Variants in PCDH15 observed in about 807,000 individuals in gnomAD.
PCDH15 encodes protocadherin related 15.
A neutral mutation model predicts 178.5 loss-of-function variants in PCDH15; 129 were observed. The ratio of observed to expected loss-of-function variants is 0.72; its 90% CI spans 0.63 to 0.84. The LOEUF (loss-of-function observed/expected upper bound fraction) is 0.84, where lower values mean the gene tolerates loss of function less well. Among genes scored for constraint, PCDH15 ranks in the 40% least tolerant of loss-of-function variants. The pLI, the probability that PCDH15 is intolerant of heterozygous loss-of-function variation, is 0.00. For missense variants in PCDH15, 2,230 were observed against 2,099.9 expected (o/e 1.06, Z -1.21); for synonymous variants, 800 against 732.0 (o/e 1.09, Z -1.50).
chr10:54,163,060 T>C (rs1564570716), intron 13 of PCDH15, among the ~76,000 whole-genome samples: 1 of 152,130 alleles, frequency 6.6e-6, no homozygotes, highest in African/African-American at 2.4e-5. Context: ...GATTTGTTCC[T>C]AGAAATTCTC....
chr10:54,316,293 G>A (rs1428870279), intron 8 of PCDH15, among the ~76,000 whole-genome samples: 2 of 151,856 alleles, frequency 1.3e-5, no homozygotes, highest in Non-Finnish European at 2.9e-5. Context: ...AAGCACTCTG[G>A]CTTTACATTT....
chr10:54,451,060 T>C (rs899229023), intron 3 of PCDH15, among the ~76,000 whole-genome samples: 1 of 151,880 alleles, frequency 6.6e-6, no homozygotes, highest in Admixed American at 6.6e-5. Flanking sequence ...TTCTCACATA[T>C]ACAAAAATAT....
rs566302491 is a variant in PCDH15 at position 53,836,426 on chromosome 10, G to A, written c.3983+3894C>T. ...CTAACACTGTGGGACAGATCAGAGT[G>A]TGGGCAGAAACCTCTTCTGTGGCAC... is the stretch of plus-strand genomic sequence containing the variant. On this transcript the variant is annotated intron_variant, in intron 29 of 37. Coordinates refer to ENST00000644397, the MANE Select transcript of PCDH15 (RefSeq NM_001384140.1). Among the ~76,000 whole-genome samples, 4 of 152,262 alleles carry A rather than the reference G, an allele frequency of 2.6e-5. No homozygotes were observed. In the East Asian group the frequency reaches 7.7e-4, roughly 29 times the overall value.
chr10:55,439,063 T>G (rs1042432511), intron 2 of PCDH15, among the ~76,000 whole-genome samples: 2 of 151,928 alleles, frequency 1.3e-5, no homozygotes, highest in African/African-American at 4.8e-5. Context: ...CACGCTTGGC[T>G]AATTTTTGTT....
At chr10:54,784,363 G>A (rs2133450650) in intron 1 of PCDH15, among the ~76,000 whole-genome samples, 1 of 150,846 alleles carries the variant, frequency 6.6e-6, no homozygotes, top group East Asian at 1.9e-4. Context: ...AGAGAAAAGT[G>A]TTGTCACATG....
intron 2 of PCDH15, among the ~76,000 whole-genome samples, chr10:55,432,245 A>G (rs1838899737): frequency 6.6e-6 from 1 of 152,206 alleles, no homozygotes; most frequent in African/African-American, 2.4e-5. Flanking sequence ...TAAATGTTCA[A>G]AGATCTAAAT....
chr10:54,452,776 T>C (rs976258586), intron 3 of PCDH15, among the ~76,000 whole-genome samples: 5 of 152,088 alleles, frequency 3.3e-5, no homozygotes, highest in Non-Finnish European at 7.4e-5. Flanking sequence ...ATCTCTTTTG[T>C]TGGAACTCAA....
At chr10:54,013,578 T>TA (rs2092654814) in intron 20 of PCDH15, among the ~76,000 whole-genome samples, 1 of 152,014 alleles carries the variant, frequency 6.6e-6, no homozygotes, top group Admixed American at 6.6e-5. Flanking sequence ...CATGGTGCAA[T>TA]AAAAACAGAA....
rs180675246 is a variant in PCDH15, at chr10:55,117,321, T to C, written c.-80+49255A>G. Among the ~76,000 whole-genome samples the C allele has an allele frequency of 3.9e-5, 6 of 152,200 alleles. No individual in the cohort carries two copies. The East Asian group carries it at 9.6e-4, about 24-fold the overall frequency. The stretch of plus-strand genomic sequence containing the variant: ...GCCTTCTGCTGTATTCATTAGAACC[T>C]GGCTCTAAGTCATGCAAATCATTAA... On this transcript the variant is annotated intron_variant, in intron 2 of 5. Transcript: ENST00000458638.
rs1002352825 is a variant in PCDH15 at position 54,633,647 on chromosome 10, G to A, written c.91+30525C>T. Among the ~76,000 whole-genome samples, 20 of 151,998 alleles carry A rather than the reference G, an allele frequency of 1.3e-4. 1 individual carries two copies. The highest frequency in any genetic ancestry group is 1.5e-5 in the Non-Finnish European group (1 of 67,970). On this transcript the variant is annotated intron_variant, in intron 2 of 37. Coordinates refer to ENST00000644397, the MANE Select transcript of PCDH15 (RefSeq NM_001384140.1). ...GTGAAGAAGATTCAAAAAGTAAAATGAAAAAGAAACAGTGTAAATATGTCC... is the reference window on the plus strand; with the variant it reads ...GTGAAGAAGATTCAAAAAGTAAAATAAAAAAGAAACAGTGTAAATATGTCC...
chr10:53,919,752 G>A lies in PCDH15; in HGVS notation c.3374-16382C>T, dbSNP rs569960686. On this transcript the variant is annotated intron_variant, in intron 25 of 37. Transcript: ENST00000644397. ...ATTTATGGGGAGTGGGGAGCAAGGC[G>A]GTTTATTTCTATAGTGAAAAAAATA... Among the ~76,000 whole-genome samples the A allele has an allele frequency of 7.2e-5, 11 of 152,104 alleles. 1 individual carries two copies. Among genetic ancestry groups the A allele is most frequent in the South Asian group, 6.2e-4 (3 of 4,820 alleles).
intron 1 of PCDH15, among the ~76,000 whole-genome samples, chr10:55,238,035 G>A: frequency 6.6e-6 from 1 of 151,498 alleles, no homozygotes; most frequent in East Asian, 1.9e-4. Flanking sequence ...CCTGCAGTGT[G>A]TTAAACTGAT....
chr10:54,227,392 T>A (rs1338302706), intron 9 of PCDH15, among the ~76,000 whole-genome samples: 3 of 152,066 alleles, frequency 2.0e-5, no homozygotes, highest in African/African-American at 7.2e-5. Flanking sequence ...AGCTCTATGT[T>A]GGCCCCTTTC....
chr10:55,623,064 T>A (rs1395587646), intron 2 of PCDH15, among the ~76,000 whole-genome samples: 1 of 152,232 alleles, frequency 6.6e-6, no homozygotes, highest in Non-Finnish European at 1.5e-5. Context: ...CGAACATGTG[T>A]TTGACCTTTC....
chr10:53,868,420 A>T (rs2079602072), intron 26 of PCDH15, among the ~76,000 whole-genome samples: 1 of 152,144 alleles, frequency 6.6e-6, no homozygotes, highest in Admixed American at 6.5e-5. Flanking sequence ...ATATTGTTTT[A>T]CTTATATAAA....
At chr10:55,499,491 G>T (rs1232305055) in intron 2 of PCDH15, among the ~76,000 whole-genome samples, 1 of 145,142 alleles carries the variant, frequency 6.9e-6, no homozygotes. Flanking sequence ...CATTATTCTA[G>T]GTTTCTTATT....
chr10:54,431,916 T>A (rs1957012069), intron 3 of PCDH15, among the ~76,000 whole-genome samples: 1 of 151,968 alleles, frequency 6.6e-6, no homozygotes, highest in Non-Finnish European at 1.5e-5. Flanking sequence ...AGTTGCAGGA[T>A]ACAAAATCAA....
intron 6 of PCDH15, among the ~76,000 whole-genome samples, chr10:54,332,281 A>T (rs1939830649): frequency 2.7e-5 from 2 of 73,112 alleles, no homozygotes; most frequent in African/African-American, 3.9e-5. Context: ...TATATAATAT[A>T]ATATAATCTA....
chr10:54,441,069 T>G (rs1315604189), intron 3 of PCDH15, among the ~76,000 whole-genome samples: 1 of 151,910 alleles, frequency 6.6e-6, no homozygotes, highest in East Asian at 1.9e-4. Context: ...TATCAATTAA[T>G]CATTGCACAA....
Sources: gnomAD v4.1 joint callset for allele counts (sites outside exome capture counted in the v4.1 genomes callset) on GRCh38, gnomAD v4.1.1 for gene constraint, MANE v1.5 for transcripts, NCBI Gene and HGNC (gene_info 2026-07-23, HGNC 2026-07-21) for gene names.